SNX29: variants seen among roughly 807,000 people sequenced by gnomAD.
The protein encoded by SNX29 is sorting nexin 29.
In SNX29, 78 loss-of-function variants were observed where a neutral mutation model predicts 102.1. The ratio of observed to expected loss-of-function variants is 0.76; its 90% CI spans 0.64 to 0.92. The LOEUF (loss-of-function observed/expected upper bound fraction) is 0.92, where lower values mean the gene tolerates loss of function less well. Among genes scored for constraint, SNX29 ranks in the 40% least tolerant of loss-of-function variants. The pLI is 0.00. For missense variants in SNX29, 1,280 were observed against 1,061.7 expected, an observed-to-expected ratio of 1.21 and a Z score of -2.86; for synonymous variants, 580 against 414.5, an observed-to-expected ratio of 1.40 and a Z score of -4.85.
intron 13 of SNX29, among the ~76,000 whole-genome samples, chr16:12,174,941 C>G (rs1025674821): frequency 2.0e-5 from 3 of 149,588 alleles, no homozygotes; most frequent in Admixed American, 1.3e-4. Context: ...AAAAAAAAAA[C>G]AACCAATTAT....
chr16:12,240,760 C>T (rs2078080905), intron 14 of SNX29, among the ~76,000 whole-genome samples: 1 of 151,664 alleles, frequency 6.6e-6, no homozygotes, highest in Non-Finnish European at 1.5e-5. Context: ...TGTGTGCCAC[C>T]ATACTGGACT....
intron 14 of SNX29, among the ~76,000 whole-genome samples, chr16:12,259,261 G>A (rs913913949): frequency 1.3e-5 from 2 of 152,210 alleles, no homozygotes; most frequent in Non-Finnish European, 2.9e-5. Context: ...TCCGCTTCCA[G>A]GTGTACATGG....
chr16:12,239,124 T>G (rs1362937562), intron 14 of SNX29, among the ~76,000 whole-genome samples: 1 of 152,190 alleles, frequency 6.6e-6, no homozygotes, highest in Non-Finnish European at 1.5e-5. Context: ...TCTTTTAGCT[T>G]GGCACATGGC....
chr16:12,047,591 C>A (rs1179357728), intron 6 of SNX29, among the ~76,000 whole-genome samples: 2 of 151,666 alleles, frequency 1.3e-5, no homozygotes, highest in African/African-American at 4.9e-5. Context: ...ATAATATTGT[C>A]CCCATCTTAC....
At chr16:12,523,930 G>A (rs938282043) in intron 19 of SNX29, among the ~76,000 whole-genome samples, 20 of 152,108 alleles carry the variant, frequency 1.3e-4, no homozygotes, top group African/African-American at 3.1e-4. Context: ...CTTGTTGCCC[G>A]GGCTGGAGTG....
chr16:12,527,419 T>C (rs2076816619), intron 20 of SNX29: 1 of 440,954 alleles, frequency 2.3e-6, no homozygotes, highest in East Asian at 4.2e-5. Context: ...TAATTATTCT[T>C]ATAAATTTTG....
chr16:12,562,735 T>G (rs1463483091), intron 20 of SNX29, among the ~76,000 whole-genome samples: 1 of 152,244 alleles, frequency 6.6e-6, no homozygotes, highest in African/African-American at 2.4e-5. Flanking sequence ...TTCTCGCTTT[T>G]ATGGCATAGT....
At chr16:12,363,378 G>A (rs973919572) in intron 16 of SNX29, among the ~76,000 whole-genome samples, 18 of 152,156 alleles carry the variant, frequency 1.2e-4, no homozygotes, top group African/African-American at 4.1e-4. Context: ...ATGGGGCCTG[G>A]ATCCCTGACC....
Position 12,213,156 on chromosome 16 carries a change from A to G in SNX29, c.1678+13473A>G, listed in dbSNP as rs568373464. ...AACAAACAAAAAAAACTACTCGGAC[A>G]TAAAGAATGGAATACTGTCTTTTGC... On this transcript the variant is annotated intron_variant, in intron 14 of 20. Coordinates refer to ENST00000566228, the MANE Select transcript of SNX29 (RefSeq NM_032167.5). 3.3e-5 allele frequency among the ~76,000 whole-genome samples: 5 copies of G among 152,308 alleles called. No individual in the cohort carries two copies. The South Asian group carries it at 8.3e-4, about 25-fold the overall frequency.
chr16:12,563,219 C>T (rs552742760), intron 20 of SNX29, among the ~76,000 whole-genome samples: 68 of 151,996 alleles, frequency 4.5e-4, no homozygotes, highest in African/African-American at 1.6e-3. Context: ...GAGGCTCATA[C>T]CCTGAAAGTG....
At chr16:12,566,963 C>A (rs1452005697) in intron 20 of SNX29, among the ~76,000 whole-genome samples, 1 of 152,246 alleles carries the variant, frequency 6.6e-6, no homozygotes, top group Non-Finnish European at 1.5e-5. Context: ...AACGAGGGAT[C>A]TCACTCGCAC....
intron 20 of SNX29, among the ~76,000 whole-genome samples, chr16:12,535,892 C>G (rs746055153): frequency 6.6e-6 from 1 of 152,190 alleles, no homozygotes; most frequent in Admixed American, 6.5e-5. Flanking sequence ...CCCATCTCCC[C>G]TTCTTTGAGG....
chr16:12,067,094 A>T (rs949424826), intron 9 of SNX29, among the ~76,000 whole-genome samples: 1 of 151,912 alleles, frequency 6.6e-6, no homozygotes, highest in African/African-American at 2.4e-5. Context: ...CTGAGGTGGG[A>T]GGCTCTCTTG....
chr16:12,118,038 A>C (rs916097402), intron 11 of SNX29, among the ~76,000 whole-genome samples: 8 of 151,650 alleles, frequency 5.3e-5, no homozygotes, highest in Admixed American at 5.3e-4. Context: ...CGGAGGTTGC[A>C]GTGAGCCGAG....
chr16:12,132,944 C>A (rs904877417), intron 13 of SNX29, among the ~76,000 whole-genome samples: 1 of 152,242 alleles, frequency 6.6e-6, no homozygotes, highest in Non-Finnish European at 1.5e-5. Context: ...TTTCTTCTTG[C>A]TTCTGGCCAG....
chr16:12,262,408 C>G (rs1477592153), intron 14 of SNX29, among the ~76,000 whole-genome samples: 1 of 152,186 alleles, frequency 6.6e-6, no homozygotes, highest in Non-Finnish European at 1.5e-5. Context: ...TCTAGACATT[C>G]ATCCCAAAGA....
intron 13 of SNX29, among the ~76,000 whole-genome samples, chr16:12,182,485 T>A (rs573996935): frequency 9.9e-5 from 15 of 152,248 alleles, no homozygotes; most frequent in African/African-American, 3.6e-4. Flanking sequence ...AGAGCAGAGC[T>A]TCCCAGCCAC....
chr16:12,004,853 A>G (rs2056403234), intron 3 of SNX29, among the ~76,000 whole-genome samples: 1 of 152,204 alleles, frequency 6.6e-6, no homozygotes, highest in Non-Finnish European at 1.5e-5. Context: ...ATTACCATCC[A>G]ACAAACTATA....
At chr16:12,145,220 C>G (rs972906152) in intron 13 of SNX29, among the ~76,000 whole-genome samples, 1 of 151,774 alleles carries the variant, frequency 6.6e-6, no homozygotes, top group African/African-American at 2.4e-5. Flanking sequence ...AAAAAAATTA[C>G]CTTTAAATTG....
Sources: allele counts gnomAD v4.1 joint callset (sites outside exome capture counted in the v4.1 genomes callset), GRCh38; gene constraint gnomAD v4.1.1; transcripts MANE v1.5; gene names NCBI Gene and HGNC (gene_info 2026-07-23, HGNC 2026-07-21).